Variants in NEGR1 observed in about 807,000 individuals in gnomAD.
NEGR1 encodes the protein IgLON family member 4.
A neutral mutation model predicts 40.9 loss-of-function variants in NEGR1; 10 were observed. The observed-to-expected ratio is 0.24, with a 90% CI of 0.15 to 0.42. NEGR1 has a LOEUF of 0.42. Among genes scored for constraint, NEGR1 ranks in the 10% least tolerant of loss-of-function variants. The probability of loss-of-function intolerance (pLI) is 1.00; values close to 1 mark genes in which losing one functional copy is unlikely to be tolerated. For missense variants in NEGR1, 352 were observed against 438.9 expected, an observed-to-expected ratio of 0.80 and a Z score of 1.77; for synonymous variants, 185 against 166.8, an observed-to-expected ratio of 1.11 and a Z score of -0.84.
intron 1 of NEGR1, among the ~76,000 whole-genome samples, chr1:72,069,287 A>G (rs1647363161): frequency 6.6e-6 from 1 of 151,710 alleles, no homozygotes; most frequent in Non-Finnish European, 1.5e-5. Context: ...AAACAAATAA[A>G]AAAACTCATA....
At chr1:71,522,236 T>C in intron 6 of NEGR1, among the ~76,000 whole-genome samples, 1 of 151,988 alleles carries the variant, frequency 6.6e-6, no homozygotes, top group Non-Finnish European at 1.5e-5. Context: ...CGAAGCCCAG[T>C]ATGTAGCACA....
At chr1:72,145,464 A>C (rs1279391815) in intron 1 of NEGR1, among the ~76,000 whole-genome samples, 2 of 152,192 alleles carry the variant, frequency 1.3e-5, no homozygotes, top group Non-Finnish European at 2.9e-5. Context: ...GGTGTGAAAC[A>C]GAATTTTGTT....
At chr1:71,904,255 T>G (rs1661217927) in intron 2 of NEGR1, among the ~76,000 whole-genome samples, 1 of 152,016 alleles carries the variant, frequency 6.6e-6, no homozygotes, top group South Asian at 2.1e-4. Context: ...TTAATAAAAT[T>G]AATTTATATT....
intron 2 of NEGR1, among the ~76,000 whole-genome samples, chr1:71,919,593 C>A (rs1346727427): frequency 6.7e-6 from 1 of 149,804 alleles, no homozygotes; most frequent in South Asian, 2.1e-4. Context: ...CCAAATTTTG[C>A]ATATACTCTC....
At position 71,431,415 on chromosome 1, in the gene NEGR1, G is replaced by A. The variant is rs185872480; in HGVS notation, c.941-23845C>T. On this transcript the variant is annotated intron_variant, in intron 6 of 6. Coordinates refer to ENST00000357731, the MANE Select transcript of NEGR1 (RefSeq NM_173808.3). ...CATCTGTAAGCCCTAAAAACAGAGTGAGTATTTCGAATTGAACTCAGAAAA... is the reference window on the plus strand; with the variant it reads ...CATCTGTAAGCCCTAAAAACAGAGTAAGTATTTCGAATTGAACTCAGAAAA... Among the ~76,000 whole-genome samples, 206 of 152,234 alleles carry A rather than the reference G, an allele frequency of 1.4e-3. 1 individual carries two copies. The highest frequency in any genetic ancestry group is 4.4e-3 in the African/African-American group (183 of 41,544).
At position 72,254,323 on chromosome 1, in the gene NEGR1, T is replaced by G. The variant is rs544550886; in HGVS notation, c.176+27996A>C. On this transcript the variant is annotated intron_variant, in intron 1 of 6. Transcript: ENST00000357731. ...GCAATAAATGAAGGAGAAGCTTTGC[T>G]GCCTTTGAAGTCAAGTTAAAGTTCT... Among the ~76,000 whole-genome samples, 16 of 152,322 alleles carry G rather than the reference T, an allele frequency of 1.1e-4. No individual in the cohort carries two copies. The South Asian group carries it at 2.9e-3, about 28-fold the overall frequency.
intron 6 of NEGR1, among the ~76,000 whole-genome samples, chr1:71,472,076 C>T (rs557931343): frequency 6.6e-6 from 1 of 152,208 alleles, no homozygotes; most frequent in African/African-American, 2.4e-5. Flanking sequence ...TTAGTTTTCA[C>T]TAGAACCAAC....
intron 3 of NEGR1, among the ~76,000 whole-genome samples, chr1:71,759,414 C>T (rs1226539439): frequency 6.9e-6 from 1 of 145,406 alleles, no homozygotes; most frequent in Non-Finnish European, 1.5e-5. Context: ...TCTCCTGGCT[C>T]AGCCTCCCAA....
At chr1:71,962,114 T>G (rs1235172108) in intron 1 of NEGR1, among the ~76,000 whole-genome samples, 1 of 151,924 alleles carries the variant, frequency 6.6e-6, no homozygotes, top group Non-Finnish European at 1.5e-5. Context: ...TCTTAAAAAG[T>G]GATGAATGCC....
In NEGR1 at chr1:72,167,426, TATC is replaced by T. The variant is rs570126597; in HGVS notation, c.176+114890_176+114892del. Among the ~76,000 whole-genome samples the T allele has an allele frequency of 8.5e-5, 13 of 152,052 alleles. No homozygotes were observed. In the South Asian group the frequency reaches 1.2e-3, roughly 15 times the overall value. On this transcript the variant is annotated intron_variant, in intron 1 of 6. Transcript: ENST00000357731. ...GAGAATTTAATAATTCTCACAATAT[TATC>T]ATATTTTCTAAGTAAATATAACTTT...
chr1:71,740,389 T>C (rs1186705428), intron 3 of NEGR1, among the ~76,000 whole-genome samples: 1 of 152,154 alleles, frequency 6.6e-6, no homozygotes, highest in Non-Finnish European at 1.5e-5. Flanking sequence ...GAGATTAATA[T>C]AAATATGATC....
chr1:71,513,666 G>A (rs1483135891), intron 6 of NEGR1, among the ~76,000 whole-genome samples: 2 of 152,188 alleles, frequency 1.3e-5, no homozygotes, highest in Admixed American at 6.5e-5. Context: ...GAGATTCACG[G>A]AAGTTAGGTA....
intron 1 of NEGR1, among the ~76,000 whole-genome samples, chr1:72,045,830 A>T (rs1646996766): frequency 7.1e-6 from 1 of 140,276 alleles, no homozygotes; most frequent in Non-Finnish European, 1.6e-5. Context: ...ATTAGAAAAA[A>T]ATATGTAGTT....
At chr1:71,510,154 T>G (rs1336669442) in intron 6 of NEGR1, among the ~76,000 whole-genome samples, 17 of 152,312 alleles carry the variant, frequency 1.1e-4, no homozygotes, top group Non-Finnish European at 2.2e-4. Context: ...TCTCTCATAA[T>G]TGTGGCATGA....
intron 2 of NEGR1, among the ~76,000 whole-genome samples, chr1:71,808,083 A>C (rs1302676880): frequency 6.6e-6 from 1 of 152,188 alleles, no homozygotes; most frequent in Non-Finnish European, 1.5e-5. Flanking sequence ...ATAATGTATA[A>C]AATGGCACAT....
At chr1:72,079,738 T>C (rs1047456983) in intron 1 of NEGR1, among the ~76,000 whole-genome samples, 1 of 152,276 alleles carries the variant, frequency 6.6e-6, no homozygotes, top group East Asian at 1.9e-4. Flanking sequence ...TATTCTACTA[T>C]ATGGAAGAGA....
At chr1:72,086,845 AT>A (rs1465377040) in intron 1 of NEGR1, among the ~76,000 whole-genome samples, 2 of 152,188 alleles carry the variant, frequency 1.3e-5, no homozygotes, top group Non-Finnish European at 2.9e-5. Flanking sequence ...CCAATCTAAA[AT>A]ATTTAAACTT....
intron 1 of NEGR1, among the ~76,000 whole-genome samples, chr1:71,985,090 T>A (rs1197789191): frequency 1.3e-5 from 2 of 152,146 alleles, no homozygotes; most frequent in African/African-American, 4.8e-5. Context: ...AGGCAATTTG[T>A]CTCCAGGATA....
At chr1:71,635,006 T>C (rs909999502) in intron 4 of NEGR1, among the ~76,000 whole-genome samples, 6 of 152,054 alleles carry the variant, frequency 3.9e-5, no homozygotes, top group Non-Finnish European at 8.8e-5. Context: ...TCCAGTCTTA[T>C]AATTGAGGAA....
Sources: allele counts gnomAD v4.1 joint callset (sites outside exome capture counted in the v4.1 genomes callset), GRCh38; gene constraint gnomAD v4.1.1; transcripts MANE v1.5; gene names NCBI Gene and HGNC (gene_info 2026-07-23, HGNC 2026-07-21).